The following SLC2A3 variants were observed in gnomAD, a reference collection of about 807,000 sequenced individuals.
The protein encoded by SLC2A3 is solute carrier family 2, facilitated glucose transporter member 3.
Under a neutral mutation model 46.4 loss-of-function variants are expected in SLC2A3, and 21 were observed. The observed-to-expected ratio is 0.45, with a 90% CI of 0.32 to 0.65. SLC2A3 has a LOEUF of 0.65. SLC2A3 is among the 30% of genes least tolerant of loss of function. The pLI, the probability that SLC2A3 is intolerant of heterozygous loss-of-function variation, is 0.04. For synonymous variants in SLC2A3, 213 were observed against 239.4 expected (o/e 0.89, Z 1.02); for missense variants, 499 against 623.3 (o/e 0.80, Z 2.12).
rs1226412733 is a variant in SLC2A3 at position 7,924,287 on chromosome 12, T to G, written c.1068+123A>C. 3.7e-5 allele frequency: 57 copies of G among 1,529,776 alleles called. 1 individual carries two copies. Among genetic ancestry groups the G allele is most frequent in the Non-Finnish European group, 4.9e-5 (56 of 1,134,326 alleles). The allele number at this position is 1,529,776 out of a possible 1,614,324, so 94.8% of individuals were successfully genotyped here. A position where few individuals can be genotyped will look rare whatever the true frequency, so the allele number is the denominator to read the frequency against. ...CATGTTTCTTAAACTCTGGGCATCC[T>G]GCTTCTCTCCTCTGACTTTATTGAC... On this transcript the variant is annotated intron_variant, in intron 8 of 9. Coordinates refer to ENST00000075120, the MANE Select transcript of SLC2A3 (RefSeq NM_006931.3).
chr12:7,933,184 T>TA (rs1255943694), intron 2 of SLC2A3, 37 bp from the exon 3 acceptor site: 1 of 1,605,980 alleles, frequency 6.2e-7, no homozygotes, highest in Non-Finnish European at 8.5e-7. Flanking sequence ...AACAGACTGT[T>TA]ACAGTTGGAT....
chr12:7,925,710 T>A, intron 7 of SLC2A3, 134 bp downstream of exon 7: 1 of 703,734 alleles, frequency 1.4e-6, no homozygotes, highest in Non-Finnish European at 2.4e-6. Context: ...AACATTAAAT[T>A]TATCTCTTTT....
At chr12:7,925,167 T>C (rs1257601511) in intron 7 of SLC2A3, among the ~76,000 whole-genome samples, 1 of 152,240 alleles carries the variant, frequency 6.6e-6, no homozygotes, top group Non-Finnish European at 1.5e-5. Context: ...CCCGTGAATC[T>C]CTTCATCTGG....
At chr12:7,924,265 G>C in intron 8 of SLC2A3, 145 bp downstream of exon 8, 1 of 1,425,736 alleles carries the variant, frequency 7.0e-7, no homozygotes, top group South Asian at 1.3e-5. Context: ...GACGACCCAT[G>C]TTTCTTAAAC....
At position 7,920,396 on chromosome 12, in the gene SLC2A3, C is replaced by T. The variant is rs895893854; in HGVS notation, c.*1017G>A. On this transcript the variant is annotated 3_prime_UTR_variant, in exon 10 of 10. Coordinates refer to ENST00000075120, the MANE Select transcript of SLC2A3 (RefSeq NM_006931.3). ...GAGTTATTTCATCCAGTGAGGGGAACAGGCTTTCTAGAAATCACTTTCTCT... is the reference window on the plus strand; with the variant it reads ...GAGTTATTTCATCCAGTGAGGGGAATAGGCTTTCTAGAAATCACTTTCTCT... 1 of 152,038 alleles carries T rather than the reference C, an allele frequency of 6.6e-6. No homozygotes were observed. Among genetic ancestry groups the T allele is most frequent in the African/African-American group, 2.4e-5 (1 of 41,380 alleles). 9.4% of individuals were successfully genotyped at this position (152,038 alleles called of 1,614,324 possible).
intron 6 of SLC2A3, among the ~76,000 whole-genome samples, chr12:7,926,712 A>T (rs182984781): frequency 6.6e-6 from 1 of 152,292 alleles, no homozygotes; most frequent in Non-Finnish European, 1.5e-5. Flanking sequence ...AAACATTGAT[A>T]GGGACATCGA....
chr12:7,920,323 A>AAAT lies in SLC2A3; in HGVS notation c.*1089_*1090insATT, dbSNP rs1946022563. The AAAT allele has an allele frequency of 6.6e-6, 1 of 152,108 alleles. No individual in the cohort carries two copies. The highest frequency in any genetic ancestry group is 1.5e-5 in the Non-Finnish European group (1 of 68,024). 9.4% of individuals were successfully genotyped at this position (152,108 alleles called of 1,614,324 possible). ...TTCTTATTTGGATGGCTCTCCCACG[A>AAAT]GATAGGTGGCGGGATTACTTCAAAA... On this transcript the variant is annotated 3_prime_UTR_variant, in exon 10 of 10. Coordinates refer to ENST00000075120, the MANE Select transcript of SLC2A3 (RefSeq NM_006931.3).
At position 7,929,802 on chromosome 12, in the gene SLC2A3, C is replaced by T. The variant is rs1946133329; in HGVS notation, c.743G>A (p.Arg248Lys). 6.2e-7 allele frequency: 1 copy of T among 1,613,768 alleles called. No homozygotes were observed. Among genetic ancestry groups the T allele is most frequent in the South Asian group, 1.1e-5 (1 of 91,062 alleles). ...GGTGACTTGCTTTTCTTGTGACATC[C>T]TTGCACTCTCATCTTTCATCTCCTG... Reference protein sequence around the residue: ...DIQEMKDESARMSQEKQVTVL... With the variant: ...DIQEMKDESAKMSQEKQVTVL... The change falls in exon 6 of 10, where the codon AGG (arginine) becomes AAG (lysine). Residue 248 changes from arginine to lysine, a missense_variant. By Grantham distance (26) the Arg-to-Lys change is conservative (BLOSUM62 2). Coordinates refer to ENST00000075120, the MANE Select transcript of SLC2A3 (RefSeq NM_006931.3).
At position 7,930,512 on chromosome 12, in the gene SLC2A3, A is replaced by T; in HGVS notation, c.641T>A (p.Ile214Asn). ...AGCATTCTCCTCTTCTTTTCTGTTA[A>T]TGAGCAAAAATCTGGGACTTTCAGG... ...FCPESPRFLL[I>N]NRKEEENAKQ... The change falls in exon 5 of 10, where the codon ATT (isoleucine) becomes AAT (asparagine). Residue 214 changes from isoleucine to asparagine, a missense_variant. Coordinates refer to ENST00000075120, the MANE Select transcript of SLC2A3 (RefSeq NM_006931.3). 1 of 1,613,772 alleles carries T rather than the reference A, an allele frequency of 6.2e-7. No individual in the cohort carries two copies. The highest frequency in any genetic ancestry group is 8.5e-7 in the Non-Finnish European group (1 of 1,179,794).
intron 3 of SLC2A3, 102 bp from the exon 4 acceptor site, chr12:7,931,587 C>T (rs1043294602): frequency 5.6e-6 from 7 of 1,257,712 alleles, no homozygotes; most frequent in African/African-American, 4.6e-5. Flanking sequence ...CATATCATCC[C>T]TTTTTTTTTT....
intron 8 of SLC2A3, 156 bp from the exon 9 acceptor site, chr12:7,923,180 ATTTTTT>A (rs2121180937): frequency 1.3e-6 from 1 of 777,622 alleles, no homozygotes. Flanking sequence ...TTTTATTTTT[ATTTTTT>A]GAGACAGGGT....
Position 7,931,291 on chromosome 12 carries a change from C to G in SLC2A3, c.464G>C (p.Gly155Ala), listed in dbSNP as rs780171354. The change falls in exon 4 of 10, where the codon GGC (glycine) becomes GCC (alanine). Residue 155 changes from glycine (G) to alanine (A), a missense_variant. By Grantham distance (60) the Gly-to-Ala change is moderately conservative. This residue lies in a region of SLC2A3 where 248 missense variants were observed against 284.0 expected (regional missense o/e 0.87). Coordinates refer to ENST00000075120, the MANE Select transcript of SLC2A3 (RefSeq NM_006931.3). ...AACGATGCCCAGCTGGTTGAGAGTG[C>G]CAAAGGCACCCCGCAGGGCAGTAGG... The part of the protein sequence containing the change: ...ISPTALRGAF[G>A]TLNQLGIVVG... 3.7e-6 allele frequency: 6 copies of G among 1,614,138 alleles called. No homozygotes were observed. Among genetic ancestry groups the G allele is most frequent in the Non-Finnish European group, 5.1e-6 (6 of 1,180,016 alleles).
chr12:7,922,637 T>G (rs144088483), intron 9 of SLC2A3, among the ~76,000 whole-genome samples, 184 bp downstream of exon 9: 3 of 152,146 alleles, frequency 2.0e-5, no homozygotes, highest in African/African-American at 7.2e-5. Flanking sequence ...AATTTTTGAA[T>G]TTCACCATGT....
At chr12:7,929,954 G>C (rs1946134818) in intron 5 of SLC2A3, 83 bp from the exon 6 acceptor site, 30 of 1,583,940 alleles carry the variant, frequency 1.9e-5, no homozygotes, top group Non-Finnish European at 2.6e-5. Context: ...CCAGGAAAGG[G>C]CCGCACGAGG....
intron 7 of SLC2A3, chr12:7,925,532 C>T (rs1213230569): frequency 4.3e-6 from 1 of 232,302 alleles, no homozygotes; most frequent in Non-Finnish European, 8.7e-6. Context: ...CAGATAACTT[C>T]TGTTGATTAT....
intron 6 of SLC2A3, among the ~76,000 whole-genome samples, chr12:7,928,462 C>T (rs983444476): frequency 5.9e-5 from 9 of 152,062 alleles, no homozygotes; most frequent in African/African-American, 1.7e-4. Context: ...AGACTGCTCA[C>T]GGATCACTTG....
rs2041890 is a variant in SLC2A3 at position 7,935,281 on chromosome 12, C to T, written c.15+739G>A. ...CAGCCTGACCAACATAGAGAAACCC[C>T]GTCTCTACTAAAAATACAAAATTAG... On this transcript the variant is annotated intron_variant, in intron 1 of 9. Coordinates refer to ENST00000075120, the MANE Select transcript of SLC2A3 (RefSeq NM_006931.3). Among the ~76,000 whole-genome samples, 820 of 152,116 alleles carry T rather than the reference C, an allele frequency of 5.4e-3. 5 individuals carry two copies. Among genetic ancestry groups the T allele is most frequent in the Non-Finnish European group, 0.01 (687 of 67,988 alleles).
chr12:7,933,792 T>C lies in SLC2A3; in HGVS notation c.108+18A>G. ...ACTTCCCTATTCTAAATTCTAATTA[T>C]TGTGGCCTGGCACTCACCTTCTCAG... On this transcript the variant is annotated intron_variant, in intron 2 of 9. Coordinates refer to ENST00000075120, the MANE Select transcript of SLC2A3 (RefSeq NM_006931.3). 4 of 1,606,482 alleles carry C rather than the reference T, an allele frequency of 2.5e-6. No individual in the cohort carries two copies. Among genetic ancestry groups the C allele is most frequent in the Non-Finnish European group, 2.6e-6 (3 of 1,174,596 alleles).
intron 7 of SLC2A3, 117 bp downstream of exon 7, chr12:7,925,727 A>G (rs1202009636): frequency 1.2e-6 from 1 of 804,860 alleles, no homozygotes. Flanking sequence ...TTTTTCCCAA[A>G]GGAAAATTAA....
Sources: allele counts gnomAD v4.1 joint callset (sites outside exome capture counted in the v4.1 genomes callset), GRCh38; gene constraint gnomAD v4.1.1; regional missense constraint gnomAD v4.1.1; transcripts MANE v1.5; gene names NCBI Gene and HGNC (gene_info 2026-07-23, HGNC 2026-07-21).